Variants in OPCML observed in about 807,000 individuals in gnomAD.
OPCML encodes the protein opioid-binding protein/cell adhesion molecule.
In OPCML, 13 loss-of-function variants were observed where a neutral mutation model predicts 37.8. The observed-to-expected ratio is 0.34, with a 90% CI of 0.22 to 0.55. OPCML has a LOEUF of 0.55. Ranked by LOEUF, OPCML falls within the 20% of genes least tolerant of loss-of-function variation. The pLI, the probability that OPCML is intolerant of heterozygous loss-of-function variation, is 0.91. For missense variants in OPCML, 341 were observed against 435.6 expected (o/e 0.78, Z 1.93); for synonymous variants, 176 against 168.8 (o/e 1.04, Z -0.33).
intron 1 of OPCML, among the ~76,000 whole-genome samples, chr11:133,227,178 A>T (rs1464528943): frequency 6.6e-6 from 1 of 151,782 alleles, no homozygotes; most frequent in Non-Finnish European, 1.5e-5. Context: ...GATCCTGTGA[A>T]CTCCGAGGAT....
At chr11:133,043,565 G>A (rs1223065790) in intron 1 of OPCML, among the ~76,000 whole-genome samples, 1 of 152,202 alleles carries the variant, frequency 6.6e-6, no homozygotes, top group Non-Finnish European at 1.5e-5. Context: ...AGGAGGGCCT[G>A]TGCCACAGTC....
intron 1 of OPCML, among the ~76,000 whole-genome samples, chr11:133,043,984 C>T (rs1165489091): frequency 2.0e-5 from 3 of 152,228 alleles, no homozygotes; most frequent in African/African-American, 7.2e-5. Flanking sequence ...AATAACTGTT[C>T]TCACTAGGCT....
rs77031825 is a variant in OPCML at position 133,223,930 on chromosome 11, C to A, written c.62-280920G>T. ...CAATCTGGGAACACCACCAACGTGG[C>A]CAGTAAGCTGCAATTTAGTTAATGT... is the stretch of plus-strand genomic sequence containing the variant. On this transcript the variant is annotated intron_variant, in intron 1 of 7. Coordinates refer to ENST00000524381, the MANE Select transcript of OPCML (RefSeq NM_001012393.5). 4.7e-3 allele frequency among the ~76,000 whole-genome samples: 717 copies of A among 152,248 alleles called. 6 individuals are homozygous for A. The highest frequency in any genetic ancestry group is 4.4e-3 in the East Asian group (23 of 5,172).
chr11:133,060,008 A>C (rs1294145191), intron 1 of OPCML, among the ~76,000 whole-genome samples: 1 of 152,208 alleles, frequency 6.6e-6, no homozygotes, highest in Non-Finnish European at 1.5e-5. Context: ...GGTGATGTTC[A>C]GGCAAAAGAC....
At chr11:132,544,971 G>T (rs2096365590) in intron 3 of OPCML, among the ~76,000 whole-genome samples, 1 of 152,142 alleles carries the variant, frequency 6.6e-6, no homozygotes, top group African/African-American at 2.4e-5. Context: ...ATCCCAGTTA[G>T]CCCATGGCAT....
chr11:132,490,250 C>T (rs1282188469), intron 4 of OPCML, among the ~76,000 whole-genome samples: 4 of 151,912 alleles, frequency 2.6e-5, no homozygotes, highest in African/African-American at 9.7e-5. Flanking sequence ...AGCTCAAGAG[C>T]ACCTTGAAAA....
chr11:133,105,366 CA>C (rs940499276), intron 1 of OPCML, among the ~76,000 whole-genome samples: 4 of 151,204 alleles, frequency 2.6e-5, no homozygotes, highest in African/African-American at 4.8e-5. Context: ...TTACATCATA[CA>C]AAAAAAAGAT....
intron 2 of OPCML, among the ~76,000 whole-genome samples, chr11:132,667,919 A>G (rs1208992081): frequency 6.6e-6 from 1 of 152,230 alleles, no homozygotes; most frequent in Non-Finnish European, 1.5e-5. Context: ...AGCAATGCCT[A>G]GCTTCAGGCA....
At chr11:133,422,563 C>A in intron 1 of OPCML, 1 of 952,530 alleles carries the variant, frequency 1.0e-6, no homozygotes, top group Non-Finnish European at 1.2e-6. Context: ...TGCAGCGGTG[C>A]GAACATGCTC....
intron 1 of OPCML, among the ~76,000 whole-genome samples, chr11:133,085,914 T>C (rs529324821): frequency 6.6e-6 from 1 of 152,180 alleles, no homozygotes; most frequent in Non-Finnish European, 1.5e-5. Context: ...GGAAGCTAGT[T>C]GAATTGTTTA....
chr11:132,464,689 C>T (rs762616473), intron 4 of OPCML, among the ~76,000 whole-genome samples: 35 of 152,028 alleles, frequency 2.3e-4, no homozygotes, highest in African/African-American at 4.8e-4. Context: ...TTCAAATTAA[C>T]GCCACGCAGA....
At chr11:132,802,653 T>A (rs1179640854) in intron 2 of OPCML, among the ~76,000 whole-genome samples, 1 of 152,162 alleles carries the variant, frequency 6.6e-6, no homozygotes, top group Non-Finnish European at 1.5e-5. Flanking sequence ...CACAGAATAT[T>A]CACTGGACGA....
At chr11:133,290,026 A>C (rs1326772221) in intron 1 of OPCML, among the ~76,000 whole-genome samples, 2 of 152,162 alleles carry the variant, frequency 1.3e-5, no homozygotes, top group African/African-American at 4.8e-5. Flanking sequence ...CCAGTGGAAA[A>C]AGCTCCAGAT....
chr11:132,891,624 C>T (rs900923159), intron 2 of OPCML, among the ~76,000 whole-genome samples: 6 of 152,270 alleles, frequency 3.9e-5, no homozygotes, highest in Admixed American at 2.6e-4. Flanking sequence ...GCTTTTATCT[C>T]TCTTGTTCTC....
intron 3 of OPCML, among the ~76,000 whole-genome samples, chr11:132,540,628 C>T (rs1236062380): frequency 1.3e-5 from 2 of 152,128 alleles, no homozygotes; most frequent in African/African-American, 4.8e-5. Context: ...TTGCTATTCT[C>T]CTCTGGGCTC....
intron 1 of OPCML, among the ~76,000 whole-genome samples, chr11:133,190,633 T>A (rs1473828760): frequency 6.6e-6 from 1 of 152,148 alleles, no homozygotes; most frequent in Non-Finnish European, 1.5e-5. Context: ...TCACCTCCAA[T>A]CTCCCCATCT....
intron 1 of OPCML, among the ~76,000 whole-genome samples, chr11:133,310,507 T>C (rs75752036): frequency 0.048 from 7,377 of 152,216 alleles, 201 homozygotes; most frequent in Middle Eastern, 0.066. Flanking sequence ...TGATATATAT[T>C]CCCCTCACCA....
At chr11:133,004,562 C>G in intron 1 of OPCML, 1 of 985,462 alleles carries the variant, frequency 1.0e-6, no homozygotes. Context: ...ACACTGCCTG[C>G]CAATGCCCAT....
chr11:132,460,723 A>G (rs2096098573), intron 4 of OPCML, among the ~76,000 whole-genome samples: 1 of 152,234 alleles, frequency 6.6e-6, no homozygotes, highest in African/African-American at 2.4e-5. Context: ...AAACTTCAGC[A>G]CTGCACAATA....
Sources: allele counts gnomAD v4.1 joint callset (sites outside exome capture counted in the v4.1 genomes callset), GRCh38; gene constraint gnomAD v4.1.1; transcripts MANE v1.5; gene names NCBI Gene and HGNC (gene_info 2026-07-23, HGNC 2026-07-21).